Variants in CACNA1E observed in about 807,000 individuals in gnomAD.
CACNA1E encodes the protein voltage-dependent R-type calcium channel subunit alpha-1E.
CACNA1E carries 40 observed loss-of-function variants against 259.2 expected under a neutral mutation model. The observed-to-expected ratio is 0.15, with a 90% CI of 0.12 to 0.20. The LOEUF is 0.20. CACNA1E is among the 10% of genes least tolerant of loss of function. The probability of loss-of-function intolerance (pLI) is 1.00; values close to 1 mark genes in which losing one functional copy is unlikely to be tolerated. For synonymous variants in CACNA1E, 1,104 were observed against 1,138.5 expected (o/e 0.97, Z 0.61); for missense variants, 1,874 against 3,040.1 (o/e 0.62, Z 9.02).
intron 1 of CACNA1E, among the ~76,000 whole-genome samples, chr1:181,508,771 C>T (rs1160617535): frequency 2.0e-5 from 3 of 152,142 alleles, no homozygotes; most frequent in African/African-American, 7.2e-5. Context: ...CTCTCAGGGG[C>T]TTCACACCCG....
intron 3 of CACNA1E, among the ~76,000 whole-genome samples, chr1:181,561,423 C>T (rs540788476): frequency 1.3e-5 from 2 of 152,280 alleles, no homozygotes; most frequent in East Asian, 1.9e-4. Context: ...CTATCACCCC[C>T]CAAATTCCTT....
At chr1:181,327,302 C>T (rs1650871172) in intron 1 of CACNA1E, among the ~76,000 whole-genome samples, 1 of 152,198 alleles carries the variant, frequency 6.6e-6, no homozygotes, top group Admixed American at 6.5e-5. Flanking sequence ...AGATCCTTAA[C>T]ACTTGACTTT....
intron 3 of CACNA1E, among the ~76,000 whole-genome samples, chr1:181,577,007 G>T (rs1217645124): frequency 1.3e-5 from 2 of 152,116 alleles, no homozygotes; most frequent in Non-Finnish European, 2.9e-5. Context: ...TTAATCTTCT[G>T]CTATGTCTTT....
chr1:181,408,933 C>T (rs1201479844), intron 1 of CACNA1E, among the ~76,000 whole-genome samples: 1 of 152,182 alleles, frequency 6.6e-6, no homozygotes, highest in Admixed American at 6.5e-5. Context: ...CAGGAAGCTG[C>T]TCACCTGGGT....
At chr1:181,663,239 T>C (rs1269957767) in intron 7 of CACNA1E, among the ~76,000 whole-genome samples, 1 of 152,192 alleles carries the variant, frequency 6.6e-6, no homozygotes, top group African/African-American at 2.4e-5. Context: ...TTATATACAT[T>C]ATTTCAATTA....
At chr1:181,701,230 G>A (rs1652219626) in intron 7 of CACNA1E, among the ~76,000 whole-genome samples, 1 of 152,200 alleles carries the variant, frequency 6.6e-6, no homozygotes, top group South Asian at 2.1e-4. Context: ...GAACACAGCT[G>A]CACCTCTCCT....
chr1:181,423,226 C>T (rs1658893946), intron 2 of CACNA1E, among the ~76,000 whole-genome samples: 1 of 152,166 alleles, frequency 6.6e-6, no homozygotes, highest in Non-Finnish European at 1.5e-5. Flanking sequence ...TGTAGTTAGG[C>T]TTGGGATCAG....
intron 25 of CACNA1E, among the ~76,000 whole-genome samples, chr1:181,747,834 T>A (rs1238070773): frequency 4.6e-5 from 7 of 152,240 alleles, no homozygotes; most frequent in Non-Finnish European, 8.8e-5. Flanking sequence ...TGATAATGGC[T>A]TAAATCACTC....
rs369566269 is a variant in CACNA1E at position 181,790,546 on chromosome 1, G to A, written c.5888G>A (p.Arg1963Gln). 95 of 1,594,528 alleles carry A rather than the reference G, an allele frequency of 6.0e-5. 1 individual carries two copies. In the South Asian group the frequency reaches 9.6e-4, roughly 16 times the overall value. Reference sequence around the variant, plus strand: ...GCCGATGACGGACAGTTCCAAGAACGGCAGTCTCTGGTGAATGCATGAGTT... The same window carrying A: ...GCCGATGACGGACAGTTCCAAGAACAGCAGTCTCTGGTGAATGCATGAGTT... ...DPADDGQFQE[R>Q]QSLEPEVSEL... is the part of the protein sequence containing the mutation. Residue 1963 changes from arginine (R) to glutamine (Q), a missense_variant, in exon 44 of 48, where the codon CGG becomes CAG. By Grantham distance (43) the Arg-to-Gln change is conservative. Around this residue, in one of 14 missense-constraint regions of CACNA1E, gnomAD observed 542 missense variants for 587.2 expected, o/e 0.92. Transcript: ENST00000367573.
intron 2 of CACNA1E, among the ~76,000 whole-genome samples, chr1:181,461,964 C>A (rs947359042): frequency 1.3e-5 from 2 of 151,986 alleles, no homozygotes; most frequent in Non-Finnish European, 2.9e-5. Flanking sequence ...ATACATATAC[C>A]CACATACAGC....
intron 2 of CACNA1E, among the ~76,000 whole-genome samples, chr1:181,449,106 C>T (rs1660985927): frequency 6.6e-6 from 1 of 152,210 alleles, no homozygotes; most frequent in African/African-American, 2.4e-5. Flanking sequence ...CTGGAGGCCT[C>T]CCATTCTGTG....
At chr1:181,753,460 G>T (rs1657779647) in intron 27 of CACNA1E, among the ~76,000 whole-genome samples, 1 of 152,212 alleles carries the variant, frequency 6.6e-6, no homozygotes, top group Admixed American at 6.5e-5. Context: ...GAAGCTATAT[G>T]ACCCAGGGCA....
intron 2 of CACNA1E, among the ~76,000 whole-genome samples, chr1:181,459,328 A>G (rs1219690037): frequency 2.6e-5 from 4 of 152,276 alleles, no homozygotes; most frequent in Non-Finnish European, 5.9e-5. Context: ...CTGAGTCAGC[A>G]CCAGGCAGCA....
At chr1:181,385,398 A>G (rs186585369) in intron 1 of CACNA1E, among the ~76,000 whole-genome samples, 139 of 152,346 alleles carry the variant, frequency 9.1e-4, no homozygotes, top group African/African-American at 2.5e-3. Flanking sequence ...AAGACAGGTG[A>G]TGCCTGTGTT....
chr1:181,419,659 G>GTGCAGTTGACTCACT (rs1239766011), intron 2 of CACNA1E, among the ~76,000 whole-genome samples: 13 of 152,368 alleles, frequency 8.5e-5, no homozygotes, highest in African/African-American at 3.1e-4. Flanking sequence ...AGTGCCTAGT[G>GTGCAGTTGACTCACT]TGCAGTTGAC....
chr1:181,343,899 G>C (rs1188741237), intron 1 of CACNA1E, among the ~76,000 whole-genome samples: 2 of 151,688 alleles, frequency 1.3e-5, no homozygotes, highest in Non-Finnish European at 2.9e-5. Context: ...CTGCCTCCCC[G>C]GCTTCTCCTC....
At chr1:181,568,746 A>C (rs1650104415) in intron 3 of CACNA1E, among the ~76,000 whole-genome samples, 2 of 152,122 alleles carry the variant, frequency 1.3e-5, no homozygotes, top group Admixed American at 6.6e-5. Context: ...GACACATGCC[A>C]CCATGCCCAG....
intron 7 of CACNA1E, among the ~76,000 whole-genome samples, chr1:181,662,827 A>G (rs769271440): frequency 7.9e-5 from 12 of 152,188 alleles, no homozygotes; most frequent in Non-Finnish European, 1.8e-4. Flanking sequence ...CCCTACAGGG[A>G]ACAGCAAAGA....
chr1:181,569,983 G>T lies in CACNA1E; in HGVS notation c.513-7783G>T, dbSNP rs187029168. On this transcript the variant is annotated intron_variant, in intron 3 of 47. Transcript: ENST00000367573. The stretch of plus-strand genomic sequence containing the variant: ...TGGATGTTGAGAGGAAGGGAGATTG[G>T]TGTGAGCTACAGAAGCATAGCACCA... Among the ~76,000 whole-genome samples the T allele has an allele frequency of 1.6e-3, 246 of 152,312 alleles. 1 individual carries two copies. Among genetic ancestry groups the T allele is most frequent in the Non-Finnish European group, 3.1e-3 (208 of 68,026 alleles).
Sources: allele counts gnomAD v4.1 joint callset (sites outside exome capture counted in the v4.1 genomes callset), GRCh38; gene constraint gnomAD v4.1.1; regional missense constraint gnomAD v4.1.1; transcripts MANE v1.5; gene names NCBI Gene and HGNC (gene_info 2026-07-23, HGNC 2026-07-21).